The following PDE8B variants were observed in gnomAD, a reference collection of about 807,000 sequenced individuals.
The protein encoded by PDE8B is phosphodiesterase 8B, also known as high affinity cAMP-specific and IBMX-insensitive 3',5'-cyclic phosphodiesterase 8B.
Under a neutral mutation model 101.3 loss-of-function variants are expected in PDE8B, and 26 were observed. That is an observed-to-expected ratio of 0.26 (90% CI 0.19 to 0.36). PDE8B has a LOEUF of 0.36. Ranked by LOEUF, PDE8B falls within the 10% of genes least tolerant of loss-of-function variation. The pLI, the probability that PDE8B is intolerant of heterozygous loss-of-function variation, is 1.00. For missense variants in PDE8B, 810 were observed against 1,163.1 expected (o/e 0.70, Z 4.42); for synonymous variants, 424 against 429.3 (o/e 0.99, Z 0.15).
Position 77,404,745 on chromosome 5 carries a change from C to T in PDE8B, c.1236C>T (p.Asn412=), listed in dbSNP as rs1793081255. 6.2e-7 allele frequency: 1 copy of T among 1,604,120 alleles called. No individual in the cohort carries two copies. Among genetic ancestry groups the T allele is most frequent in the Non-Finnish European group, 8.5e-7 (1 of 1,171,042 alleles). Residue 412 remains asparagine, a synonymous_variant, in exon 12 of 22, where the codon AAC becomes AAT. Coordinates refer to ENST00000264917, the MANE Select transcript of PDE8B (RefSeq NM_003719.5). ...QTEPHSFRYK[N]RRKESIDVKS... Reference sequence around the variant, plus strand: ...AGCCTCATTCATTCAGATATAAGAACAGGAGGAAAGAGTCCATTGACGTGA... The same window carrying T: ...AGCCTCATTCATTCAGATATAAGAATAGGAGGAAAGAGTCCATTGACGTGA...
rs750567358 is a variant in PDE8B at position 77,211,254 on chromosome 5, C to T, written c.329C>T (p.Thr110Ile). 3.0e-5 allele frequency: 47 copies of T among 1,572,226 alleles called. No homozygotes were observed. The highest frequency in any genetic ancestry group is 3.8e-5 in the Non-Finnish European group (44 of 1,167,484). Residue 110 changes from threonine to isoleucine, a missense_variant, in exon 1 of 22, where the codon ACC becomes ATC. By Grantham distance (89) the Thr-to-Ile change is moderately conservative. Around this residue, in one of 4 missense-constraint regions of PDE8B, gnomAD observed 251 missense variants for 378.8 expected, o/e 0.66. Coordinates refer to ENST00000264917, the MANE Select transcript of PDE8B (RefSeq NM_003719.5). This position sits in a 1 kb window ranked among gnomAD's most constrained non-coding sequence, Gnocchi z 4.1. Reference protein sequence around the residue: ...SAEAETQTCYTSVKQVSSAEV... With the variant: ...SAEAETQTCYISVKQVSSAEV... ...GAGGCCGAGACTCAGACCTGCTACA[C>T]CAGCGTGAAGGTAAATGCCCCGCGC...
intron 1 of PDE8B, among the ~76,000 whole-genome samples, chr5:77,222,395 G>A (rs1270043180): frequency 2.0e-5 from 3 of 152,112 alleles, no homozygotes; most frequent in Non-Finnish European, 2.9e-5. Flanking sequence ...AGGCTGAGGC[G>A]GGTGGATCAC....
chr5:77,372,613 G>C (rs1785260924), intron 10 of PDE8B, among the ~76,000 whole-genome samples: 1 of 152,214 alleles, frequency 6.6e-6, no homozygotes, highest in South Asian at 2.1e-4. Flanking sequence ...ATATAGGAAA[G>C]TTCAGTCTTT....
intron 2 of PDE8B, among the ~76,000 whole-genome samples, chr5:77,316,860 A>C (rs1301774583): frequency 6.6e-6 from 1 of 152,208 alleles, no homozygotes; most frequent in Non-Finnish European, 1.5e-5. Flanking sequence ...GATTTCCCTC[A>C]TGTGAGTTTG....
the PDE8B span, among the ~76,000 whole-genome samples, chr5:77,189,697 G>T: frequency 6.6e-6 from 1 of 152,210 alleles, no homozygotes; most frequent in African/African-American, 2.4e-5. Context: ...GGGGCAGCAG[G>T]AGCTGAGGGC....
chr5:77,280,531 A>G (rs1284571771), intron 1 of PDE8B, among the ~76,000 whole-genome samples: 6 of 152,280 alleles, frequency 3.9e-5, no homozygotes, highest in Non-Finnish European at 5.9e-5. Context: ...TGACCTGGCA[A>G]TGCCAAATTG....
At chr5:77,114,622 T>G in the PDE8B span, 1 of 152,104 alleles carries the variant, frequency 6.6e-6, no homozygotes, top group Non-Finnish European at 1.5e-5. Context: ...GTAACAAACC[T>G]GCACGTTGTG....
chr5:77,278,429 A>G (rs1466040366), intron 1 of PDE8B, among the ~76,000 whole-genome samples: 1 of 152,196 alleles, frequency 6.6e-6, no homozygotes, highest in Non-Finnish European at 1.5e-5. Context: ...ATTGTACTTG[A>G]GATTCAGAAC....
chr5:77,418,450 T>G lies in PDE8B; in HGVS notation c.2129+4T>G, dbSNP rs1186344384. ...ACATTTTCAAGAATATTGACAGGTT[T>G]GTTGTGCTGGGGCTCCTGTGCTCAA... On this transcript the variant is annotated splice_donor_region_variant and intron_variant, in intron 18 of 21. Transcript: ENST00000264917. 6.8e-6 allele frequency: 11 copies of G among 1,606,030 alleles called. No individual in the cohort carries two copies. The Middle Eastern group carries it at 4.9e-4, about 72-fold the overall frequency.
At chr5:77,091,249 G>A in the PDE8B span, among the ~76,000 whole-genome samples, 10 of 152,084 alleles carry the variant, frequency 6.6e-5, no homozygotes, top group Non-Finnish European at 1.0e-4. Context: ...TAACCCTGAC[G>A]ATCATTACAC....
the PDE8B span, among the ~76,000 whole-genome samples, chr5:77,184,313 A>G: frequency 6.6e-6 from 1 of 152,198 alleles, no homozygotes; most frequent in Non-Finnish European, 1.5e-5. Context: ...CCCTAAATGA[A>G]ATGTAATTTC....
intron 1 of PDE8B, among the ~76,000 whole-genome samples, chr5:77,236,682 T>G (rs1384654288): frequency 6.6e-6 from 1 of 152,156 alleles, no homozygotes; most frequent in African/African-American, 2.4e-5. Flanking sequence ...CTAGAGTGGT[T>G]CAAAGAGAGA....
rs560758190 is a variant in PDE8B, at chr5:77,345,400, T to C, written c.876+469T>C. Among the ~76,000 whole-genome samples the C allele has an allele frequency of 3.9e-5, 6 of 152,338 alleles. No homozygotes were observed. In the South Asian group the frequency reaches 1.2e-3, roughly 32 times the overall value. On this transcript the variant is annotated intron_variant, in intron 7 of 21. Coordinates refer to ENST00000264917, the MANE Select transcript of PDE8B (RefSeq NM_003719.5). The stretch of plus-strand genomic sequence containing the variant: ...GTCTCAAACTCCTGACCTCAAGTGA[T>C]CCACCTGCCTTGGCCTCCCAAAGTG...
the PDE8B span, chr5:77,087,146 G>A: frequency 6.6e-6 from 1 of 152,374 alleles, no homozygotes; most frequent in African/African-American, 2.4e-5. Flanking sequence ...AGCCGGCGGC[G>A]GGTCGGGAGT....
intron 10 of PDE8B, among the ~76,000 whole-genome samples, chr5:77,391,343 T>C (rs1366806483): frequency 6.6e-6 from 1 of 152,174 alleles, no homozygotes; most frequent in Non-Finnish European, 1.5e-5. Flanking sequence ...CATCATTAAG[T>C]CGGTCCCACA....
the PDE8B span, among the ~76,000 whole-genome samples, chr5:77,139,036 C>T: frequency 8.5e-5 from 13 of 152,214 alleles, no homozygotes; most frequent in African/African-American, 2.9e-4. Flanking sequence ...ACTCCCACGG[C>T]CCCTCCTGGA....
the PDE8B span, among the ~76,000 whole-genome samples, chr5:77,099,316 A>C: frequency 6.6e-6 from 1 of 152,252 alleles, no homozygotes; most frequent in Non-Finnish European, 1.5e-5. Flanking sequence ...GTTTGGAAAA[A>C]GTACAGACTA....
At chr5:77,369,342 G>A (rs1246863884) in intron 10 of PDE8B, among the ~76,000 whole-genome samples, 1 of 151,992 alleles carries the variant, frequency 6.6e-6, no homozygotes, top group Non-Finnish European at 1.5e-5. Flanking sequence ...TGAGTAGCAG[G>A]GCATTGACTG....
At chr5:77,101,135 GT>G in the PDE8B span, among the ~76,000 whole-genome samples, 483 of 133,210 alleles carry the variant, frequency 3.6e-3, no homozygotes, top group African/African-American at 6.1e-3. Context: ...ACGCCTGCCT[GT>G]TTTTTTTTTT....
Sources: allele counts gnomAD v4.1 joint callset (sites outside exome capture counted in the v4.1 genomes callset), GRCh38; gene constraint gnomAD v4.1.1; regional missense constraint gnomAD v4.1.1; non-coding constraint Gnocchi (gnomAD v3.1); transcripts MANE v1.5; gene names NCBI Gene and HGNC (gene_info 2026-07-23, HGNC 2026-07-21).